FSTL4: variants seen among roughly 807,000 people sequenced by gnomAD.
FSTL4 encodes the protein follistatin-related protein 4.
FSTL4 carries 28 observed loss-of-function variants against 78.2 expected under a neutral mutation model. The observed-to-expected ratio is 0.36, with a 90% CI of 0.27 to 0.49. The LOEUF is 0.49. FSTL4 is among the 20% of genes least tolerant of loss of function. The pLI is 0.98. For synonymous variants in FSTL4, 422 were observed against 440.5 expected (o/e 0.96, Z 0.53); for missense variants, 922 against 1,084.9 (o/e 0.85, Z 2.11).
chr5:133,613,766 C>T (rs1191518152), upstream of FSTL4, among the ~76,000 whole-genome samples: 1 of 152,142 alleles, frequency 6.6e-6, no homozygotes, highest in East Asian at 1.9e-4. Context: ...TCAGTTTCCC[C>T]ACTTGTAAAA....
chr5:133,271,783 C>A (rs1465731959), intron 6 of FSTL4, among the ~76,000 whole-genome samples: 3 of 152,072 alleles, frequency 2.0e-5, no homozygotes, highest in Non-Finnish European at 4.4e-5. Flanking sequence ...AAAGAAATTA[C>A]CTGGGTTATC....
At chr5:133,507,837 T>A (rs904187176) in intron 3 of FSTL4, among the ~76,000 whole-genome samples, 6 of 151,246 alleles carry the variant, frequency 4.0e-5, no homozygotes, top group South Asian at 2.1e-4. Flanking sequence ...ATTAAAAAAA[T>A]AATAATAATA....
intron 3 of FSTL4, among the ~76,000 whole-genome samples, chr5:133,524,333 A>G (rs2112901337): frequency 6.6e-6 from 1 of 152,338 alleles, no homozygotes; most frequent in East Asian, 1.9e-4. Flanking sequence ...AATCATTTTC[A>G]TGACTGTGGG....
intron 3 of FSTL4, among the ~76,000 whole-genome samples, chr5:133,453,480 CT>C (rs1757421579): frequency 6.6e-6 from 1 of 152,228 alleles, no homozygotes; most frequent in African/African-American, 2.4e-5. Context: ...GGGACCTATG[CT>C]GTCTTATCTT....
At chr5:133,731,288 G>C in the FSTL4 span, among the ~76,000 whole-genome samples, 2 of 151,712 alleles carry the variant, frequency 1.3e-5, no homozygotes, top group Non-Finnish European at 2.9e-5. Context: ...CCTGAAGACA[G>C]GGATGGAAAA....
At chr5:133,753,707 G>A in the FSTL4 span, among the ~76,000 whole-genome samples, 3 of 129,846 alleles carry the variant, frequency 2.3e-5, no homozygotes, top group East Asian at 6.6e-4. Flanking sequence ...GTGTGTGTGT[G>A]TGTGTGTGTG....
At chr5:133,380,284 C>T (rs897603597) in intron 4 of FSTL4, among the ~76,000 whole-genome samples, 1 of 150,780 alleles carries the variant, frequency 6.6e-6, no homozygotes, top group Non-Finnish European at 1.5e-5. Flanking sequence ...ACAAAATTGA[C>T]AAAACCTTTA....
intron 3 of FSTL4, among the ~76,000 whole-genome samples, chr5:133,424,031 C>T (rs1756754857): frequency 6.6e-6 from 1 of 152,196 alleles, no homozygotes; most frequent in Non-Finnish European, 1.5e-5. Context: ...CACCCGCAGA[C>T]CAGCAGGGCC....
chr5:133,510,356 T>A (rs1580755295), intron 3 of FSTL4, among the ~76,000 whole-genome samples: 1 of 152,194 alleles, frequency 6.6e-6, no homozygotes, highest in African/African-American at 2.4e-5. Context: ...ATGTGGTAAG[T>A]TAAATGAGCT....
chr5:133,465,141 C>A (rs1272279355), intron 3 of FSTL4, among the ~76,000 whole-genome samples: 1 of 152,202 alleles, frequency 6.6e-6, no homozygotes, highest in African/African-American at 2.4e-5. Context: ...GTCCGGCCTG[C>A]TATCTTTGCT....
the FSTL4 span, among the ~76,000 whole-genome samples, chr5:133,766,503 T>A: frequency 2.6e-5 from 4 of 152,246 alleles, no homozygotes; most frequent in African/African-American, 9.6e-5. Flanking sequence ...CTGAATTTAT[T>A]GGTTGCCTGG....
At position 133,414,673 on chromosome 5, in the gene FSTL4, A is replaced by G. The variant is rs182854838; in HGVS notation, c.161-13687T>C. On this transcript the variant is annotated intron_variant, in intron 3 of 15. Transcript: ENST00000265342. ...ATTTATCTGCTATGTTGCCAGAGGC[A>G]AAAGTCAGATTATGACTTTTAAAAA... Among the ~76,000 whole-genome samples the G allele has an allele frequency of 1.7e-3, 258 of 152,390 alleles. 3 individuals are homozygous for G. The highest frequency in any genetic ancestry group is 1.9e-3 in the South Asian group (9 of 4,828).
At chr5:133,450,773 CAG>C (rs1757367554) in intron 3 of FSTL4, among the ~76,000 whole-genome samples, 1 of 152,218 alleles carries the variant, frequency 6.6e-6, no homozygotes. Flanking sequence ...TGACTTAATG[CAG>C]AGTCTACCGG....
the FSTL4 span, among the ~76,000 whole-genome samples, chr5:133,650,160 C>T: frequency 3.9e-5 from 6 of 152,040 alleles, no homozygotes; most frequent in Non-Finnish European, 5.9e-5. Flanking sequence ...AGTGAGAACT[C>T]ACTTACCCCA....
At chr5:133,606,263 G>A (rs1041559468) in intron 1 of FSTL4, among the ~76,000 whole-genome samples, 3 of 152,170 alleles carry the variant, frequency 2.0e-5, no homozygotes, top group African/African-American at 4.8e-5. Context: ...TGGGATGACA[G>A]GCATGCGCCA....
chr5:133,274,687 T>C lies in FSTL4; in HGVS notation c.728-25111A>G, dbSNP rs576125693. 2.3e-3 allele frequency among the ~76,000 whole-genome samples: 356 copies of C among 152,288 alleles called. 1 individual carries two copies. The highest frequency in any genetic ancestry group is 7.9e-3 in the African/African-American group (328 of 41,564). On this transcript the variant is annotated intron_variant, in intron 6 of 15. Transcript: ENST00000265342. ...AATCCTTCCGTCAACACAGCAGTCC[T>C]CGCTCCAAAGCACACACTCAACTCC...
intron 6 of FSTL4, among the ~76,000 whole-genome samples, chr5:133,256,754 G>C (rs1358319298): frequency 6.6e-6 from 1 of 152,242 alleles, no homozygotes; most frequent in Non-Finnish European, 1.5e-5. Flanking sequence ...AGCCACACAA[G>C]AGAGCACTTG....
chr5:133,443,838 C>CTG (rs1757209763), intron 3 of FSTL4, among the ~76,000 whole-genome samples: 1 of 152,226 alleles, frequency 6.6e-6, no homozygotes, highest in South Asian at 2.1e-4. Flanking sequence ...ATATGGGGCT[C>CTG]TGTCTGGCCT....
intron 3 of FSTL4, among the ~76,000 whole-genome samples, chr5:133,478,925 T>C (rs939802083): frequency 6.6e-6 from 1 of 152,148 alleles, no homozygotes; most frequent in African/African-American, 2.4e-5. Context: ...TCTCAGTCCC[T>C]AAAGCATACA....
Sources: allele counts gnomAD v4.1 joint callset (sites outside exome capture counted in the v4.1 genomes callset), GRCh38; gene constraint gnomAD v4.1.1; transcripts MANE v1.5; gene names NCBI Gene and HGNC (gene_info 2026-07-23, HGNC 2026-07-21).